Variants in SLC10A7 observed in about 807,000 individuals in gnomAD.
The protein encoded by SLC10A7 is solute carrier family 10 member 7.
A neutral mutation model predicts 43.2 loss-of-function variants in SLC10A7; 29 were observed. That is an observed-to-expected ratio of 0.67 (90% confidence interval 0.50 to 0.92). The LOEUF is 0.92. Among genes scored for constraint, SLC10A7 ranks in the 40% least tolerant of loss-of-function variants. SLC10A7 has a pLI of 0.00. For synonymous variants in SLC10A7, 152 were observed against 144.8 expected, an observed-to-expected ratio of 1.05 and a Z score of -0.35; for missense variants, 295 against 403.2, an observed-to-expected ratio of 0.73 and a Z score of 2.30.
chr4:146,508,492 C>T (rs1167061857), intron 3 of SLC10A7, among the ~76,000 whole-genome samples: 3 of 152,114 alleles, frequency 2.0e-5, no homozygotes, highest in African/African-American at 7.2e-5. Context: ...TAAATCTGGC[C>T]AAAATGGCAC....
intron 5 of SLC10A7, among the ~76,000 whole-genome samples, chr4:146,347,984 G>A (rs1734743869): frequency 6.6e-6 from 1 of 152,110 alleles, no homozygotes; most frequent in Non-Finnish European, 1.5e-5. Context: ...ATATAACTAA[G>A]AGAAAGCATT....
At chr4:146,348,701 C>T (rs1274666639) in intron 5 of SLC10A7, among the ~76,000 whole-genome samples, 1 of 152,142 alleles carries the variant, frequency 6.6e-6, no homozygotes, top group African/African-American at 2.4e-5. Context: ...ACCACACATT[C>T]TTGAATGTAT....
intron 5 of SLC10A7, among the ~76,000 whole-genome samples, chr4:146,429,016 A>C (rs1209315168): frequency 6.6e-6 from 1 of 152,098 alleles, no homozygotes; most frequent in African/African-American, 2.4e-5. Context: ...ACTTCACAGG[A>C]TTTTCTTCTT....
chr4:146,278,431 A>AT (rs748075986), intron 10 of SLC10A7, among the ~76,000 whole-genome samples: 76 of 152,158 alleles, frequency 5.0e-4, no homozygotes, highest in Non-Finnish European at 8.8e-4. Context: ...AATGTTATTA[A>AT]ATGAGATTTT....
chr4:146,401,847 AT>A (rs1228030180), intron 5 of SLC10A7, among the ~76,000 whole-genome samples: 1 of 152,206 alleles, frequency 6.6e-6, no homozygotes, highest in Admixed American at 6.5e-5. Context: ...TTGAATCAGT[AT>A]TTTTTGTTCA....
rs140300323 is a variant in SLC10A7 at position 146,257,381 on chromosome 4, T to C, written c.994-861A>G. 3.3e-5 allele frequency among the ~76,000 whole-genome samples: 5 copies of C among 152,330 alleles called. No homozygotes were observed. The East Asian group carries it at 9.7e-4, about 29-fold the overall frequency. ...GAACATGTTGGATGGGCTGAACTTC[T>C]CAGGTAGGATCCTGGGTGCCTAGGG... On this transcript the variant is annotated intron_variant, in intron 11 of 11. Coordinates refer to ENST00000335472, the MANE Select transcript of SLC10A7 (RefSeq NM_001029998.6).
intron 5 of SLC10A7, among the ~76,000 whole-genome samples, chr4:146,397,893 G>A (rs1738948930): frequency 6.6e-6 from 1 of 152,160 alleles, no homozygotes; most frequent in African/African-American, 2.4e-5. Context: ...AAGAAAAACT[G>A]GATAAAGCAA....
intron 6 of SLC10A7, among the ~76,000 whole-genome samples, chr4:146,310,059 G>A (rs1197511343): frequency 2.0e-5 from 3 of 152,076 alleles, no homozygotes; most frequent in African/African-American, 4.8e-5. Context: ...ACTTGTAAGC[G>A]AGAACATGTA....
At chr4:146,346,562 C>T (rs1204204628) in intron 5 of SLC10A7, among the ~76,000 whole-genome samples, 1 of 152,070 alleles carries the variant, frequency 6.6e-6, no homozygotes, top group Non-Finnish European at 1.5e-5. Flanking sequence ...ATACATGTCT[C>T]CCTTTTCAAC....
At chr4:146,289,913 G>A (rs1295327079) in intron 9 of SLC10A7, among the ~76,000 whole-genome samples, 3 of 149,576 alleles carry the variant, frequency 2.0e-5, no homozygotes, top group Admixed American at 6.7e-5. Flanking sequence ...ATGGGATTTC[G>A]CCATGTTGGC....
At chr4:146,487,527 A>C (rs1291309953) in intron 4 of SLC10A7, among the ~76,000 whole-genome samples, 2 of 152,222 alleles carry the variant, frequency 1.3e-5, no homozygotes, top group African/African-American at 4.8e-5. Flanking sequence ...TGAGGAGCCA[A>C]TACAAGATCT....
At position 146,521,889 on chromosome 4, in the gene SLC10A7, T is replaced by A. The variant is rs1457535991; in HGVS notation, c.-172A>T. On this transcript the variant is annotated 5_prime_UTR_variant, in exon 1 of 12. Coordinates refer to ENST00000335472, the MANE Select transcript of SLC10A7 (RefSeq NM_001029998.6). ...AGACCTGGGGGTTGCTCCGGCGGCTTTGAGGAGGGTTGGGAGTAGTAGTAG... is the reference window on the plus strand; with the variant it reads ...AGACCTGGGGGTTGCTCCGGCGGCTATGAGGAGGGTTGGGAGTAGTAGTAG... 2 of 592,770 alleles carry A rather than the reference T, an allele frequency of 3.4e-6. No homozygotes were observed. The highest frequency in any genetic ancestry group is 6.0e-6 in the Non-Finnish European group (2 of 335,042). The allele number at this position is 592,770 out of a possible 1,614,324, so 36.7% of individuals were successfully genotyped here. A position where few individuals can be genotyped will look rare whatever the true frequency, so the allele number is the denominator to read the frequency against.
chr4:146,348,330 A>G (rs1482076152), intron 5 of SLC10A7, among the ~76,000 whole-genome samples: 1 of 152,192 alleles, frequency 6.6e-6, no homozygotes, highest in Non-Finnish European at 1.5e-5. Context: ...AATTTTCCCT[A>G]TTATACCAAA....
At chr4:146,427,896 C>T (rs185724153) in intron 5 of SLC10A7, among the ~76,000 whole-genome samples, 579 of 152,122 alleles carry the variant, frequency 3.8e-3, no homozygotes, top group Non-Finnish European at 4.5e-3. Context: ...TGGAGCCAAA[C>T]GCAGTGGCTC....
intron 5 of SLC10A7, among the ~76,000 whole-genome samples, chr4:146,384,471 C>T (rs1579050738): frequency 6.6e-6 from 1 of 151,984 alleles, no homozygotes; most frequent in East Asian, 1.9e-4. Flanking sequence ...ATACATATTT[C>T]TTTGTATTCT....
At chr4:146,391,836 G>C (rs142706814) in intron 5 of SLC10A7, among the ~76,000 whole-genome samples, 33 of 152,300 alleles carry the variant, frequency 2.2e-4, no homozygotes, top group African/African-American at 7.7e-4. Context: ...TCTGCTGTGA[G>C]AGAGAAAAAT....
intron 10 of SLC10A7, among the ~76,000 whole-genome samples, chr4:146,273,494 T>A (rs1310048018): frequency 6.6e-6 from 1 of 152,038 alleles, no homozygotes; most frequent in Non-Finnish European, 1.5e-5. Flanking sequence ...TCAAATGAGG[T>A]TAAAATAACT....
intron 5 of SLC10A7, among the ~76,000 whole-genome samples, chr4:146,430,122 GA>G (rs201199733): frequency 5.4e-5 from 8 of 148,828 alleles, no homozygotes; most frequent in African/African-American, 1.8e-4. Context: ...AGCCATAAAA[GA>G]AAAAAAAATA....
At chr4:146,430,678 T>C (rs1729712874) in intron 5 of SLC10A7, among the ~76,000 whole-genome samples, 1 of 152,070 alleles carries the variant, frequency 6.6e-6, no homozygotes, top group Non-Finnish European at 1.5e-5. Context: ...AGTAAACAAG[T>C]GTAGGGTTCT....
Sources: gnomAD v4.1 joint callset for allele counts (sites outside exome capture counted in the v4.1 genomes callset) on GRCh38, gnomAD v4.1.1 for gene constraint, MANE v1.5 for transcripts, NCBI Gene and HGNC (gene_info 2026-07-23, HGNC 2026-07-21) for gene names.